CSMD1: variants seen among roughly 807,000 people sequenced by gnomAD.
CSMD1 encodes the protein CUB and sushi domain-containing protein 1.
CSMD1 carries 213 observed loss-of-function variants against 417.5 expected under a neutral mutation model. The observed-to-expected ratio is 0.51, with a 90% CI of 0.46 to 0.57. The LOEUF (loss-of-function observed/expected upper bound fraction) is 0.57. Ranked by LOEUF, CSMD1 falls within the 20% of genes least tolerant of loss-of-function variation. The pLI is 0.00. For synonymous variants in CSMD1, 2,862 were observed against 1,736.8 expected, an observed-to-expected ratio of 1.65 and a Z score of -16.11; for missense variants, 6,923 against 4,529.7, an observed-to-expected ratio of 1.53 and a Z score of -15.17.
chr8:3,432,990 C>T (rs990130583), intron 12 of CSMD1, among the ~76,000 whole-genome samples: 1 of 152,062 alleles, frequency 6.6e-6, no homozygotes, highest in Non-Finnish European at 1.5e-5. Flanking sequence ...TAGCAGATGG[C>T]ATACAAAATT....
At chr8:3,585,334 A>T (rs1409931627) in intron 9 of CSMD1, among the ~76,000 whole-genome samples, 10 of 152,338 alleles carry the variant, frequency 6.6e-5, no homozygotes, top group African/African-American at 2.4e-4. Flanking sequence ...ATGGAAAGAT[A>T]AGGTATTCTT....
At chr8:4,315,803 CTTTTT>C (rs35455292) in intron 3 of CSMD1, among the ~76,000 whole-genome samples, 1 of 151,786 alleles carries the variant, frequency 6.6e-6, no homozygotes, top group Non-Finnish European at 1.5e-5. Flanking sequence ...GTAATTCAAA[CTTTTT>C]TTCTTTATTC....
At chr8:4,105,724 C>A (rs1323245902) in intron 3 of CSMD1, among the ~76,000 whole-genome samples, 2 of 152,180 alleles carry the variant, frequency 1.3e-5, no homozygotes, top group African/African-American at 2.4e-5. Context: ...CAAGATCAAC[C>A]CACAGCTTTC....
At chr8:4,031,864 T>G in intron 4 of CSMD1, 41 bp downstream of exon 4, 1 of 1,461,042 alleles carries the variant, frequency 6.8e-7, no homozygotes, top group Non-Finnish European at 9.2e-7. Context: ...ACCATTGCCC[T>G]GCCCTGGAGT....
At chr8:4,789,806 G>T (rs982589683) in intron 1 of CSMD1, among the ~76,000 whole-genome samples, 3 of 152,068 alleles carry the variant, frequency 2.0e-5, no homozygotes, top group African/African-American at 7.2e-5. Flanking sequence ...ATGCCATTTT[G>T]GTTCTTGCTA....
intron 3 of CSMD1, among the ~76,000 whole-genome samples, chr8:4,356,084 T>C (rs1339904966): frequency 6.6e-6 from 1 of 152,168 alleles, no homozygotes; most frequent in African/African-American, 2.4e-5. Context: ...ACCATATATG[T>C]TGTCTTTTAT....
chr8:4,067,426 G>C (rs1403395881), intron 3 of CSMD1, among the ~76,000 whole-genome samples: 1 of 152,106 alleles, frequency 6.6e-6, no homozygotes, highest in African/African-American at 2.4e-5. Context: ...ATATTTCCCA[G>C]AGAATTTATT....
chr8:3,295,174 G>C (rs550371492), intron 25 of CSMD1, among the ~76,000 whole-genome samples: 4 of 151,868 alleles, frequency 2.6e-5, no homozygotes, highest in South Asian at 2.1e-4. Context: ...GCCCAGGTTG[G>C]AGTGCAGTGG....
intron 2 of CSMD1, among the ~76,000 whole-genome samples, chr8:4,441,795 A>T (rs963457084): frequency 6.6e-6 from 1 of 152,250 alleles, no homozygotes; most frequent in South Asian, 2.1e-4. Flanking sequence ...ATCACAAGAT[A>T]AATCAAATAA....
chr8:3,765,870 G>C (rs1463242542), intron 5 of CSMD1, among the ~76,000 whole-genome samples: 3 of 152,224 alleles, frequency 2.0e-5, no homozygotes, highest in Non-Finnish European at 4.4e-5. Context: ...GAGGATGACA[G>C]CACTTGTGAG....
chr8:3,902,135 C>G (rs569375760), intron 5 of CSMD1, among the ~76,000 whole-genome samples: 3 of 152,216 alleles, frequency 2.0e-5, no homozygotes, highest in African/African-American at 7.2e-5. Flanking sequence ...ACAGAAGTAA[C>G]ACAACAATCT....
At chr8:4,258,050 C>G (rs1262635246) in intron 3 of CSMD1, among the ~76,000 whole-genome samples, 1 of 151,710 alleles carries the variant, frequency 6.6e-6, no homozygotes, top group Non-Finnish European at 1.5e-5. Context: ...GGGAAGCAAT[C>G]CTCCCACCTC....
chr8:4,228,650 G>A (rs1227380944), intron 3 of CSMD1, among the ~76,000 whole-genome samples: 1 of 139,664 alleles, frequency 7.2e-6, no homozygotes, highest in Non-Finnish European at 1.5e-5. Flanking sequence ...TCACCCATTT[G>A]CAGATGACTA....
intron 5 of CSMD1, among the ~76,000 whole-genome samples, chr8:3,848,301 C>A (rs1390578369): frequency 6.6e-6 from 1 of 152,094 alleles, no homozygotes; most frequent in Non-Finnish European, 1.5e-5. Context: ...CTACTGCGAT[C>A]CCACTAACAA....
At chr8:4,156,393 A>G (rs926267774) in intron 3 of CSMD1, among the ~76,000 whole-genome samples, 6 of 152,220 alleles carry the variant, frequency 3.9e-5, no homozygotes, top group African/African-American at 1.4e-4. Context: ...TGGCAAGTCC[A>G]TAAAATTTCT....
chr8:3,008,915 T>C (rs1808171178), intron 52 of CSMD1, among the ~76,000 whole-genome samples: 1 of 152,118 alleles, frequency 6.6e-6, no homozygotes, highest in Admixed American at 6.5e-5. Context: ...AGTGAACACC[T>C]CACATGCAAG....
intron 4 of CSMD1, among the ~76,000 whole-genome samples, chr8:4,013,128 C>G (rs1042823470): frequency 1.3e-5 from 2 of 151,984 alleles, no homozygotes; most frequent in East Asian, 1.9e-4. Flanking sequence ...CTTCTCGTAT[C>G]CCCCCATTGT....
In CSMD1 at chr8:3,052,530, T is replaced by C. The variant is rs1249954043; in HGVS notation, c.7592A>G (p.Gln2531Arg). The part of the protein sequence containing the change: ...CHEGFKLESS[Q>R]QATAVCQEDG... ...TTCTTGACACACGGCTGTTGCTTGCTGGCTGGATTCAAGCTTGAAGCCCTC... is the reference window on the plus strand; with the variant it reads ...TTCTTGACACACGGCTGTTGCTTGCCGGCTGGATTCAAGCTTGAAGCCCTC... Residue 2531 changes from glutamine to arginine, a missense_variant, in exon 50 of 70, where the codon CAG becomes CGG. Gln to Arg is a conservative substitution (Grantham distance 43). Coordinates refer to ENST00000635120, the MANE Select transcript of CSMD1 (RefSeq NM_033225.6). 2 of 1,605,464 alleles carry C rather than the reference T, an allele frequency of 1.2e-6. No individual in the cohort carries two copies. The highest frequency in any genetic ancestry group is 1.7e-6 in the Non-Finnish European group (2 of 1,175,650).
intron 40 of CSMD1, among the ~76,000 whole-genome samples, chr8:3,147,393 C>G (rs1818909015): frequency 6.6e-6 from 1 of 152,166 alleles, no homozygotes; most frequent in Admixed American, 6.5e-5. Flanking sequence ...AACCTTTGTG[C>G]ATTTCTCATC....
Sources: allele counts gnomAD v4.1 joint callset (sites outside exome capture counted in the v4.1 genomes callset), GRCh38; gene constraint gnomAD v4.1.1; transcripts MANE v1.5; gene names NCBI Gene and HGNC (gene_info 2026-07-23, HGNC 2026-07-21).